The following CNDP2 variants were observed in gnomAD, a reference collection of about 807,000 sequenced individuals.
CNDP2 encodes the protein carnosine dipeptidase 2.
CNDP2 carries 38 observed loss-of-function variants against 55.0 expected under a neutral mutation model. The ratio of observed to expected loss-of-function variants is 0.69; its 90% CI spans 0.53 to 0.90. The LOEUF is 0.90. Among genes scored for constraint, CNDP2 ranks in the 40% least tolerant of loss-of-function variants. CNDP2 has a pLI of 0.00. For synonymous variants in CNDP2, 241 were observed against 260.2 expected, an observed-to-expected ratio of 0.93 and a Z score of 0.71; for missense variants, 607 against 621.7, an observed-to-expected ratio of 0.98 and a Z score of 0.25.
At chr18:74,516,516 C>T in intron 9 of CNDP2, 124 bp downstream of exon 9, 1 of 916,290 alleles carries the variant, frequency 1.1e-6, no homozygotes, top group Non-Finnish European at 1.6e-6. Flanking sequence ...CTGGCTCTGG[C>T]CAAGTCAGTA....
At chr18:74,511,061 C>T (rs1979327305) in intron 6 of CNDP2, 48 bp downstream of exon 6, 2 of 1,517,226 alleles carry the variant, frequency 1.3e-6, no homozygotes, top group Non-Finnish European at 1.8e-6. Flanking sequence ...CCCTGAATCT[C>T]CCGGTTCTCC....
intron 1 of CNDP2, 26 bp from the exon 2 acceptor site, chr18:74,499,856 A>G (rs1294173559): frequency 1.2e-6 from 1 of 848,122 alleles, no homozygotes; most frequent in African/African-American, 1.7e-5. Flanking sequence ...ACAATTTACA[A>G]TTCTGAACAC....
At chr18:74,510,744 C>T in intron 5 of CNDP2, 69 bp from the exon 6 acceptor site, 1 of 1,337,940 alleles carries the variant, frequency 7.5e-7, no homozygotes, top group Non-Finnish European at 1.1e-6. Context: ...AATATGTAAT[C>T]CTGAGTGTGG....
chr18:74,509,006 A>G (rs1979195271), intron 5 of CNDP2, 78 bp downstream of exon 5: 2 of 1,169,802 alleles, frequency 1.7e-6, no homozygotes, highest in Non-Finnish European at 2.5e-6. Flanking sequence ...CTGTTCACAC[A>G]ACAGCTTATA....
chr18:74,504,090 G>C (rs554140100), intron 3 of CNDP2, among the ~76,000 whole-genome samples: 1 of 145,578 alleles, frequency 6.9e-6, no homozygotes, highest in Non-Finnish European at 1.5e-5. Flanking sequence ...AGTGCCGCTG[G>C]GACAAATGAG....
At chr18:74,519,938 C>T in intron 11 of CNDP2, 61 bp from the exon 12 acceptor site, 3 of 1,514,822 alleles carry the variant, frequency 2.0e-6, no homozygotes, top group Admixed American at 1.7e-5. Flanking sequence ...GAGGAGTCAC[C>T]CCACACCTGG....
At chr18:74,501,098 A>T in intron 2 of CNDP2, 1 of 941,804 alleles carries the variant, frequency 1.1e-6, no homozygotes, top group Non-Finnish European at 1.3e-6. Flanking sequence ...TTGTTTTTAA[A>T]CAGGTACTGA....
intron 3 of CNDP2, 59 bp downstream of exon 3, chr18:74,501,531 A>G (rs1407106348): frequency 1.3e-6 from 2 of 1,526,864 alleles, no homozygotes; most frequent in Non-Finnish European, 1.8e-6. Flanking sequence ...TGAGGGGTTG[A>G]CAAGACGCCA....
chr18:74,512,461 A>C lies in CNDP2; in HGVS notation c.671A>C (p.Asn224Thr). The change falls in exon 7 of 12, where the codon AAC (asparagine) becomes ACC (threonine). Residue 224 changes from asparagine (N) to threonine (T), a missense_variant. Coordinates refer to ENST00000324262, the MANE Select transcript of CNDP2 (RefSeq NM_018235.3). The stretch of plus-strand genomic sequence containing the variant: ...GTTTCCGTGCAGGTGGAGTGCAGCA[A>C]CAAAGACCTCCATTCTGGGGTGTAC... ...CYFFIEVECS[N>T]KDLHSGVYGG... The C allele has an allele frequency of 6.2e-7, 1 of 1,613,884 alleles. No individual in the cohort carries two copies.
chr18:74,514,119 T>TAA (rs1979509273), intron 8 of CNDP2, among the ~76,000 whole-genome samples: 1 of 152,240 alleles, frequency 6.6e-6, no homozygotes, highest in African/African-American at 2.4e-5. Context: ...ATGACTTTTC[T>TAA]CTTAATAGGC....
intron 1 of CNDP2, among the ~76,000 whole-genome samples, chr18:74,498,877 A>G (rs1490822734): frequency 6.6e-6 from 1 of 152,158 alleles, no homozygotes; most frequent in Non-Finnish European, 1.5e-5. Flanking sequence ...TGGATGTCCC[A>G]CCCACATAGA....
intron 11 of CNDP2, 39 bp from the exon 12 acceptor site, chr18:74,519,960 C>T (rs372049135): frequency 2.5e-4 from 390 of 1,586,376 alleles, no homozygotes; most frequent in Middle Eastern, 5.5e-4. Context: ...TGTTGGCTCA[C>T]GACACCAGCC....
intron 5 of CNDP2, among the ~76,000 whole-genome samples, chr18:74,510,038 C>CT (rs1568280185): frequency 2.0e-5 from 3 of 152,192 alleles, no homozygotes; most frequent in Non-Finnish European, 4.4e-5. Context: ...CCGTGGAGCC[C>CT]TCAGCCTCAG....
intron 6 of CNDP2, among the ~76,000 whole-genome samples, chr18:74,511,385 A>G (rs1352168587): frequency 6.6e-6 from 1 of 152,216 alleles, no homozygotes; most frequent in Non-Finnish European, 1.5e-5. Flanking sequence ...TAGGCTCCTT[A>G]TCCCATGACT....
chr18:74,510,538 T>C (rs1235305509), intron 5 of CNDP2, among the ~76,000 whole-genome samples: 3 of 152,148 alleles, frequency 2.0e-5, no homozygotes, highest in Non-Finnish European at 2.9e-5. Flanking sequence ...GTGGCCCTTA[T>C]TGCAGAGGGA....
chr18:74,512,389 C>T, intron 6 of CNDP2, 59 bp from the exon 7 acceptor site: 3 of 1,445,164 alleles, frequency 2.1e-6, no homozygotes, highest in Non-Finnish European at 2.9e-6. Flanking sequence ...TTTACTGTCA[C>T]ATGATAAAAA....
chr18:74,516,341 G>A lies in CNDP2; in HGVS notation c.1017G>A (p.Lys339=). 1.2e-6 allele frequency: 2 copies of A among 1,614,068 alleles called. No individual in the cohort carries two copies. Among genetic ancestry groups the A allele is most frequent in the Non-Finnish European group, 1.7e-6 (2 of 1,179,970 alleles). The change falls in exon 9 of 12, where the codon AAG becomes AAA. Residue 339 remains lysine, a synonymous_variant. Coordinates refer to ENST00000324262, the MANE Select transcript of CNDP2 (RefSeq NM_018235.3). ...KTVIPRKVVG[K]FSIRLVPNMT... ...TGATTCCCAGGAAGGTGGTTGGCAAGTTCTCCATCAGGCTCGTGCCGAACA... is the reference window on the plus strand; with the variant it reads ...TGATTCCCAGGAAGGTGGTTGGCAAATTCTCCATCAGGCTCGTGCCGAACA...
In CNDP2 at chr18:74,520,326, G is replaced by T; in HGVS notation, c.*258G>T. Reference sequence around the variant, plus strand: ...GGTCAGGATGGCTTGACCTGCAGAAGATACCCAAGGTCCAAAAGCACAAGG... The same window carrying T: ...GGTCAGGATGGCTTGACCTGCAGAATATACCCAAGGTCCAAAAGCACAAGG... On this transcript the variant is annotated 3_prime_UTR_variant, in exon 12 of 12. Transcript: ENST00000324262. The T allele has an allele frequency of 2.2e-6, 1 of 453,120 alleles. No individual in the cohort carries two copies. Among genetic ancestry groups the T allele is most frequent in the Admixed American group, 3.8e-5 (1 of 26,472 alleles). 28.1% of individuals were successfully genotyped at this position (453,120 alleles called of 1,614,324 possible).
rs751428124 is a variant in CNDP2 at position 74,499,944 on chromosome 18, G to A, written c.-30G>A. 40 of 1,611,056 alleles carry A rather than the reference G, an allele frequency of 2.5e-5. No individual in the cohort carries two copies. The highest frequency in any genetic ancestry group is 1.6e-4 in the Middle Eastern group (1 of 6,080). On this transcript the variant is annotated 5_prime_UTR_variant, in exon 2 of 12. Transcript: ENST00000324262. The stretch of plus-strand genomic sequence containing the variant: ...GTTGCTCTTCCTTCCAAGAACCTTC[G>A]AGATCTGCGGTCTGGGGTCTGGTTG...
Sources: gnomAD v4.1 joint callset for allele counts (sites outside exome capture counted in the v4.1 genomes callset) on GRCh38, gnomAD v4.1.1 for gene constraint, MANE v1.5 for transcripts, NCBI Gene and HGNC (gene_info 2026-07-23, HGNC 2026-07-21) for gene names.